GIPC2: variants seen among roughly 807,000 people sequenced by gnomAD.
GIPC2 encodes PDZ domain-containing protein GIPC2.
Under a neutral mutation model 30.6 loss-of-function variants are expected in GIPC2, and 30 were observed. The ratio of observed to expected loss-of-function variants is 0.98; its 90% CI spans 0.73 to 1.33. The LOEUF (loss-of-function observed/expected upper bound fraction) is 1.33. GIPC2 is among the 40% of genes most tolerant of loss of function. The probability of loss-of-function intolerance (pLI) is 0.00; values close to 1 mark genes in which losing one functional copy is unlikely to be tolerated. For synonymous variants in GIPC2, 167 were observed against 150.0 expected, an observed-to-expected ratio of 1.11 and a Z score of -0.83; for missense variants, 414 against 390.3, an observed-to-expected ratio of 1.06 and a Z score of -0.51.
At chr1:78,126,038 C>A in intron 5 of GIPC2, 76 bp downstream of exon 5, 2 of 667,656 alleles carry the variant, frequency 3.0e-6, no homozygotes, top group South Asian at 1.7e-5. Flanking sequence ...TACATACAGC[C>A]AATTATACTT....
chr1:78,131,454 C>T (rs1038369282), intron 5 of GIPC2, among the ~76,000 whole-genome samples: 4 of 152,080 alleles, frequency 2.6e-5, no homozygotes, highest in South Asian at 2.1e-4. Flanking sequence ...GTGATCCACC[C>T]GCCTCGGCCT....
intron 2 of GIPC2, chr1:78,089,065 G>A (rs915347558): frequency 6.6e-6 from 1 of 152,166 alleles, no homozygotes; most frequent in African/African-American, 2.4e-5. Flanking sequence ...TTTAATGTAT[G>A]TGCTGCTGAA....
chr1:78,091,666 T>G (rs1662042692), intron 2 of GIPC2: 7 of 772,838 alleles, frequency 9.1e-6, no homozygotes, highest in Non-Finnish European at 1.7e-5. Flanking sequence ...TGGATCTTAT[T>G]CAGTCTGCTG....
At chr1:78,133,513 T>G (rs1324446037) in intron 5 of GIPC2, among the ~76,000 whole-genome samples, 1 of 152,100 alleles carries the variant, frequency 6.6e-6, no homozygotes, top group African/African-American at 2.4e-5. Flanking sequence ...GGACAAAGGA[T>G]TTCATGGAGG....
chr1:78,089,523 G>A (rs943845620), intron 2 of GIPC2, among the ~76,000 whole-genome samples: 1 of 151,914 alleles, frequency 6.6e-6, no homozygotes, highest in African/African-American at 2.4e-5. Flanking sequence ...TGGTTTTTTT[G>A]TTTGTTTGTT....
chr1:78,091,154 T>C (rs930201656), intron 2 of GIPC2, among the ~76,000 whole-genome samples: 1 of 152,250 alleles, frequency 6.6e-6, no homozygotes, highest in African/African-American at 2.4e-5. Flanking sequence ...CTGTGTTATC[T>C]TGGGCAAGCC....
intron 5 of GIPC2, among the ~76,000 whole-genome samples, chr1:78,132,811 G>A (rs889853205): frequency 6.6e-6 from 1 of 151,816 alleles, no homozygotes; most frequent in Non-Finnish European, 1.5e-5. Context: ...TGAATGGTCC[G>A]TACATTTTCT....
At chr1:78,074,453 C>T (rs1661676411) in intron 1 of GIPC2, among the ~76,000 whole-genome samples, 1 of 152,114 alleles carries the variant, frequency 6.6e-6, no homozygotes, top group Non-Finnish European at 1.5e-5. Context: ...GAACTCCTGA[C>T]CTTAAGCGAT....
chr1:78,091,350 C>A lies in GIPC2; in HGVS notation c.427-3602C>A, dbSNP rs1662033992. 12 of 465,720 alleles carry A rather than the reference C, an allele frequency of 2.6e-5. No individual in the cohort carries two copies. The South Asian group carries it at 2.8e-4, about 11-fold the overall frequency. The allele number at this position is 465,720 out of a possible 1,614,324, so 28.8% of individuals were successfully genotyped here. ...CAACACAAATCTCAAAGTTGCTGAT[C>A]ATGGCGACTGGACATGTAGCTCAGA... is the stretch of plus-strand genomic sequence containing the variant. On this transcript the variant is annotated intron_variant, in intron 2 of 5. Coordinates refer to ENST00000370759, the MANE Select transcript of GIPC2 (RefSeq NM_017655.6).
At chr1:78,095,867 G>T (rs915837989) in intron 3 of GIPC2, among the ~76,000 whole-genome samples, 3 of 152,020 alleles carry the variant, frequency 2.0e-5, no homozygotes, top group Non-Finnish European at 2.9e-5. Flanking sequence ...ATGACCCCAC[G>T]CACCCTATGT....
chr1:78,130,185 C>T (rs1662866085), intron 5 of GIPC2, among the ~76,000 whole-genome samples: 1 of 151,130 alleles, frequency 6.6e-6, no homozygotes. Context: ...TCACTGCAAC[C>T]CCCGCCTCCC....
chr1:78,045,788 C>T, upstream of GIPC2: 2 of 1,146,004 alleles, frequency 1.7e-6, no homozygotes, highest in Non-Finnish European at 2.1e-6. Context: ...GTAGCGTCGG[C>T]ATCCTCAGGC....
chr1:78,108,396 G>C (rs1371015881), intron 3 of GIPC2, among the ~76,000 whole-genome samples: 1 of 152,156 alleles, frequency 6.6e-6, no homozygotes, highest in Non-Finnish European at 1.5e-5. Flanking sequence ...AAGATTTCTG[G>C]CACAGTTATT....
intron 1 of GIPC2, among the ~76,000 whole-genome samples, chr1:78,066,347 C>T (rs184887275): frequency 1.3e-5 from 2 of 152,228 alleles, no homozygotes. Flanking sequence ...CCGTCTCATA[C>T]AAGTCAGAAT....
At chr1:78,053,120 A>C (rs1661224699) in intron 1 of GIPC2, among the ~76,000 whole-genome samples, 1 of 152,234 alleles carries the variant, frequency 6.6e-6, no homozygotes, top group Non-Finnish European at 1.5e-5. Context: ...TCTGAGGAAT[A>C]TGAAGTAAGC....
chr1:78,116,731 A>G (rs1571520585), intron 3 of GIPC2, among the ~76,000 whole-genome samples: 2 of 152,200 alleles, frequency 1.3e-5, no homozygotes. Context: ...TATATGTGCC[A>G]CATTTTCTTA....
At chr1:78,102,477 C>G (rs1160922234) in intron 3 of GIPC2, among the ~76,000 whole-genome samples, 1 of 152,160 alleles carries the variant, frequency 6.6e-6, no homozygotes, top group African/African-American at 2.4e-5. Context: ...AAATTTCAAT[C>G]AATTAATACT....
intron 3 of GIPC2, among the ~76,000 whole-genome samples, chr1:78,098,781 A>C (rs1384544735): frequency 6.6e-6 from 1 of 152,148 alleles, no homozygotes; most frequent in Non-Finnish European, 1.5e-5. Context: ...TGTACTTATT[A>C]GAAGAGGAAA....
chr1:78,104,957 A>G (rs947279058), intron 3 of GIPC2, among the ~76,000 whole-genome samples: 1 of 152,184 alleles, frequency 6.6e-6, no homozygotes, highest in Non-Finnish European at 1.5e-5. Context: ...CTTCGTATCT[A>G]GCTACACTTT....
Sources: allele counts gnomAD v4.1 joint callset (sites outside exome capture counted in the v4.1 genomes callset), GRCh38; gene constraint gnomAD v4.1.1; transcripts MANE v1.5; gene names NCBI Gene and HGNC (gene_info 2026-07-23, HGNC 2026-07-21).